Variants in SLC24A2 observed in about 807,000 individuals in gnomAD.
The protein encoded by SLC24A2 is solute carrier family 24 member 2.
In SLC24A2, 36 loss-of-function variants were observed where a neutral mutation model predicts 62.0. That is an observed-to-expected ratio of 0.58 (90% CI 0.44 to 0.77). The LOEUF (loss-of-function observed/expected upper bound fraction) is 0.77. Among genes scored for constraint, SLC24A2 ranks in the 30% least tolerant of loss-of-function variants. SLC24A2 has a pLI of 0.00. For synonymous variants in SLC24A2, 358 were observed against 294.0 expected (o/e 1.22, Z -2.23); for missense variants, 846 against 817.9 (o/e 1.03, Z -0.42).
the SLC24A2 span, among the ~76,000 whole-genome samples, chr9:19,900,957 C>A: frequency 1.3e-5 from 2 of 152,214 alleles, no homozygotes; most frequent in African/African-American, 4.8e-5. Flanking sequence ...CACAAAAGTG[C>A]AAAGCAGCAT....
intron 2 of SLC24A2, among the ~76,000 whole-genome samples, chr9:19,742,903 T>A (rs891624487): frequency 2.0e-4 from 31 of 152,186 alleles, no homozygotes; most frequent in Admixed American, 1.2e-3. Context: ...GAATGCTTCA[T>A]GGAACCATCT....
chr9:20,014,517 T>TATATATATATATATATATATACACAC, the SLC24A2 span, among the ~76,000 whole-genome samples: 42 of 148,448 alleles, frequency 2.8e-4, no homozygotes, highest in South Asian at 2.0e-3. Context: ...TATATATATA[T>TATATATATATATATATATATACACAC]ACACACACAC....
the SLC24A2 span, among the ~76,000 whole-genome samples, chr9:19,823,200 T>C: frequency 1.3e-5 from 2 of 152,128 alleles, no homozygotes; most frequent in African/African-American, 4.8e-5. Flanking sequence ...TCCCCCTATA[T>C]GTTTTTTATT....
In SLC24A2 at chr9:19,786,790, C is replaced by G; in HGVS notation, c.77G>C (p.Arg26Thr). 1 of 1,608,648 alleles carries G rather than the reference C, an allele frequency of 6.2e-7. No homozygotes were observed. Among genetic ancestry groups the G allele is most frequent in the Non-Finnish European group, 8.5e-7 (1 of 1,178,100 alleles). The stretch of plus-strand genomic sequence containing the variant: ...CAGTTTTTTCTTGACACTATAATGT[C>G]TTCTGCAGCCAGACAGTGACTCATC... ...CLDESLSGCR[R>T]HYSVKKKLKL... Residue 26 changes from arginine to threonine, a missense_variant, in exon 2 of 11, where the codon AGA becomes ACA. Transcript: ENST00000341998. This position sits in a 1 kb window ranked among gnomAD's most constrained non-coding sequence, Gnocchi z 5.0.
chr9:20,239,930 G>C, the SLC24A2 span, among the ~76,000 whole-genome samples: 1 of 151,550 alleles, frequency 6.6e-6, no homozygotes, highest in Non-Finnish European at 1.5e-5. Flanking sequence ...AACTGGAAGA[G>C]GGTGTTAGGT....
At chr9:20,275,246 G>T in the SLC24A2 span, among the ~76,000 whole-genome samples, 2 of 152,158 alleles carry the variant, frequency 1.3e-5, no homozygotes, top group African/African-American at 2.4e-5. Flanking sequence ...GCAGAGAAAA[G>T]AAAAGAGGAC....
At chr9:19,666,185 C>G (rs534797006) in intron 2 of SLC24A2, among the ~76,000 whole-genome samples, 1 of 152,066 alleles carries the variant, frequency 6.6e-6, no homozygotes, top group African/African-American at 2.4e-5. Flanking sequence ...GCAAGAGGAT[C>G]GCTTGAGCCC....
the SLC24A2 span, among the ~76,000 whole-genome samples, chr9:19,850,967 G>GTATATATATATATATATA: frequency 5.5e-5 from 1 of 18,184 alleles, no homozygotes; most frequent in South Asian, 1.1e-3. Flanking sequence ...ATATATATAT[G>GTATATATATATATATATA]TATATATATA....
intron 7 of SLC24A2, among the ~76,000 whole-genome samples, chr9:19,551,317 GTC>G (rs1173965461): frequency 2.6e-5 from 4 of 152,214 alleles, no homozygotes; most frequent in African/African-American, 9.7e-5. Flanking sequence ...AAACTTCAGA[GTC>G]TCTGACTTGG....
chr9:19,542,460 G>C (rs1834320441), intron 8 of SLC24A2, among the ~76,000 whole-genome samples: 2 of 152,178 alleles, frequency 1.3e-5, no homozygotes, highest in East Asian at 3.9e-4. Flanking sequence ...GCCCTGGCCA[G>C]AACTTCCAAT....
At chr9:20,284,376 C>G in the SLC24A2 span, among the ~76,000 whole-genome samples, 1 of 152,050 alleles carries the variant, frequency 6.6e-6, no homozygotes, top group African/African-American at 2.4e-5. Context: ...CTCCTAGGCT[C>G]AAGCAATCCT....
At chr9:20,034,118 A>T in the SLC24A2 span, among the ~76,000 whole-genome samples, 2 of 152,204 alleles carry the variant, frequency 1.3e-5, no homozygotes, top group Non-Finnish European at 2.9e-5. Flanking sequence ...AAAAGGATTG[A>T]AAATGCCTCA....
chr9:20,159,694 T>C, the SLC24A2 span, among the ~76,000 whole-genome samples: 2 of 151,556 alleles, frequency 1.3e-5, no homozygotes, highest in Admixed American at 6.6e-5. Flanking sequence ...ATAACATTCA[T>C]TTAATATCAG....
chr9:19,947,398 GGGAA>G, the SLC24A2 span, among the ~76,000 whole-genome samples: 2 of 145,686 alleles, frequency 1.4e-5, no homozygotes, highest in Admixed American at 7.0e-5. Flanking sequence ...GAAGAAAGAA[GGGAA>G]GGAAGGAAGG....
At chr9:20,148,676 T>C in the SLC24A2 span, among the ~76,000 whole-genome samples, 1 of 152,126 alleles carries the variant, frequency 6.6e-6, no homozygotes, top group Non-Finnish European at 1.5e-5. Flanking sequence ...GTGTCTCTCA[T>C]TCCATCCCTA....
At chr9:19,865,088 C>T in the SLC24A2 span, among the ~76,000 whole-genome samples, 3 of 151,668 alleles carry the variant, frequency 2.0e-5, no homozygotes, top group Admixed American at 6.6e-5. Context: ...TTTACAGTAG[C>T]GACAAATGAA....
At chr9:20,270,066 G>T in the SLC24A2 span, among the ~76,000 whole-genome samples, 1 of 152,126 alleles carries the variant, frequency 6.6e-6, no homozygotes, top group African/African-American at 2.4e-5. Context: ...GGGCATCTTG[G>T]CTTTATAATG....
At chr9:19,741,002 C>T (rs1200207858) in intron 2 of SLC24A2, among the ~76,000 whole-genome samples, 1 of 152,100 alleles carries the variant, frequency 6.6e-6, no homozygotes, top group Non-Finnish European at 1.5e-5. Context: ...TAAACATACA[C>T]TGTGGAAATG....
At chr9:20,234,125 G>A in the SLC24A2 span, among the ~76,000 whole-genome samples, 4 of 152,304 alleles carry the variant, frequency 2.6e-5, no homozygotes, top group East Asian at 7.7e-4. Context: ...TCCCTTTGCG[G>A]GTAACCCGAC....
Sources: allele counts gnomAD v4.1 joint callset (sites outside exome capture counted in the v4.1 genomes callset), GRCh38; gene constraint gnomAD v4.1.1; non-coding constraint Gnocchi (gnomAD v3.1); transcripts MANE v1.5; gene names NCBI Gene and HGNC (gene_info 2026-07-23, HGNC 2026-07-21).